Variants in DOP1A observed in about 807,000 individuals in gnomAD.
DOP1A encodes the protein DOP1 leucine zipper like protein A.
A neutral mutation model predicts 267.6 loss-of-function variants in DOP1A; 90 were observed. That is an observed-to-expected ratio of 0.34 (90% CI 0.28 to 0.40). The LOEUF (loss-of-function observed/expected upper bound fraction) is 0.40, where lower values mean the gene tolerates loss of function less well. Ranked by LOEUF, DOP1A falls within the 10% of genes least tolerant of loss-of-function variation. The probability of loss-of-function intolerance (pLI) is 1.00; values close to 1 mark genes in which losing one functional copy is unlikely to be tolerated. For missense variants in DOP1A, 2,437 were observed against 2,900.4 expected, an observed-to-expected ratio of 0.84 and a Z score of 3.67; for synonymous variants, 932 against 999.1, an observed-to-expected ratio of 0.93 and a Z score of 1.27.
At chr6:83,119,661 G>C in intron 8 of DOP1A, 87 bp from the exon 9 acceptor site, 1 of 1,038,932 alleles carries the variant, frequency 9.6e-7, no homozygotes, top group Non-Finnish European at 1.5e-6. Flanking sequence ...GTTTAGTGCT[G>C]TTCTGAGATT....
intron 38 of DOP1A, chr6:83,166,058 AC>A: frequency 3.4e-6 from 1 of 295,878 alleles, no homozygotes; most frequent in African/African-American, 2.1e-5. Flanking sequence ...TATAAAATCC[AC>A]CTTTTGGCAC....
At chr6:83,162,190 G>C (rs1439755735) in intron 37 of DOP1A, among the ~76,000 whole-genome samples, 1 of 152,056 alleles carries the variant, frequency 6.6e-6, no homozygotes, top group Admixed American at 6.6e-5. Flanking sequence ...GGGGAGGGGA[G>C]ACTGCCTTTC....
intron 15 of DOP1A, among the ~76,000 whole-genome samples, chr6:83,127,987 C>T (rs1314522836): frequency 6.6e-6 from 1 of 151,988 alleles, no homozygotes; most frequent in Non-Finnish European, 1.5e-5. Flanking sequence ...AGGCCTGCAC[C>T]CTTAACCCCT....
intron 4 of DOP1A, among the ~76,000 whole-genome samples, chr6:83,101,940 C>T (rs923890605): frequency 6.6e-6 from 1 of 152,144 alleles, no homozygotes; most frequent in Non-Finnish European, 1.5e-5. Context: ...TTATAGTCTT[C>T]ATGTTGTACA....
In DOP1A at chr6:83,120,871, A is replaced by G. The variant is rs952406385; in HGVS notation, c.1099+80A>G. ...AGAAAATAAAAAGAGTCATCAGGGA[A>G]ATTGTTATATTTTGAGGTGGCCTTT... On this transcript the variant is annotated intron_variant, in intron 10 of 38. Coordinates refer to ENST00000349129, the MANE Select transcript of DOP1A (RefSeq NM_015018.4). The G allele has an allele frequency of 6.3e-6, 7 of 1,111,638 alleles. No homozygotes were observed. In the South Asian group the frequency reaches 7.4e-5, roughly 12 times the overall value. The allele number at this position is 1,111,638 out of a possible 1,614,324, so 68.9% of individuals were successfully genotyped here.
At chr6:83,170,385 T>C (rs199998117), downstream of DOP1A, 7 of 1,614,150 alleles carry the variant, frequency 4.3e-6, no homozygotes, top group Admixed American at 1.7e-5. Context: ...AGCTTGTACT[T>C]CTTCACCAGG....
At chr6:83,130,669 T>C (rs1284100404) in intron 17 of DOP1A, among the ~76,000 whole-genome samples, 3 of 151,860 alleles carry the variant, frequency 2.0e-5, no homozygotes, top group Non-Finnish European at 4.4e-5. Flanking sequence ...ACTGAAGCCA[T>C]GTAGGAAATA....
intron 18 of DOP1A, among the ~76,000 whole-genome samples, chr6:83,133,382 T>C (rs1172702701): frequency 2.6e-5 from 4 of 152,120 alleles, no homozygotes; most frequent in Non-Finnish European, 5.9e-5. Context: ...TGGTGGTTGA[T>C]ACAAATGCAG....
At position 83,130,522 on chromosome 6, in the gene DOP1A, C is replaced by T. The variant is rs140035490; in HGVS notation, c.2616+125C>T. 6.0e-5 allele frequency: 71 copies of T among 1,176,046 alleles called. 1 individual carries two copies. The African/African-American group carries it at 1.1e-3, about 18-fold the overall frequency. The allele number at this position is 1,176,046 out of a possible 1,614,324, so 72.9% of individuals were successfully genotyped here. On this transcript the variant is annotated intron_variant, in intron 17 of 38. Transcript: ENST00000349129. Reference sequence around the variant, plus strand: ...CTTCATTTAAACACCTCTTAATAGGCCATACCATGTAGAAAATGATGCCAC... The same window carrying T: ...CTTCATTTAAACACCTCTTAATAGGTCATACCATGTAGAAAATGATGCCAC...
intron 7 of DOP1A, 33 bp downstream of exon 7, chr6:83,113,454 A>G: frequency 1.9e-6 from 3 of 1,551,178 alleles, no homozygotes; most frequent in African/African-American, 2.7e-5. Flanking sequence ...ATTATAAGGC[A>G]TTCTTGGAAA....
chr6:83,101,701 T>C (rs999839375), intron 4 of DOP1A, among the ~76,000 whole-genome samples: 1 of 152,156 alleles, frequency 6.6e-6, no homozygotes. Context: ...CACTTTGTAA[T>C]CTCTCCTTAG....
chr6:83,131,293 C>A (rs1562336504), intron 17 of DOP1A, among the ~76,000 whole-genome samples: 1 of 151,860 alleles, frequency 6.6e-6, no homozygotes, highest in Non-Finnish European at 1.5e-5. Context: ...TCATTGTGCC[C>A]CTTCAGATAT....
intron 24 of DOP1A, among the ~76,000 whole-genome samples, chr6:83,143,679 G>A (rs934284330): frequency 1.3e-5 from 2 of 152,114 alleles, no homozygotes; most frequent in Non-Finnish European, 2.9e-5. Context: ...GGAACAGAAA[G>A]TGGATAAATA....
At chr6:83,122,563 A>C (rs1308348728) in intron 11 of DOP1A, among the ~76,000 whole-genome samples, 1 of 151,978 alleles carries the variant, frequency 6.6e-6, no homozygotes, top group Non-Finnish European at 1.5e-5. Context: ...CCAAATTTAC[A>C]GTCCCACACA....
In DOP1A at chr6:83,137,277, C is replaced by G; in HGVS notation, c.3235C>G (p.Leu1079Val). 6.2e-7 allele frequency: 1 copy of G among 1,613,662 alleles called. No individual in the cohort carries two copies. Among genetic ancestry groups the G allele is most frequent in the Non-Finnish European group, 8.5e-7 (1 of 1,179,752 alleles). The change falls in exon 21 of 39, where the codon CTT becomes GTT. Residue 1079 changes from leucine to valine, a missense_variant. Coordinates refer to ENST00000349129, the MANE Select transcript of DOP1A (RefSeq NM_015018.4). ...SLTVNPLSDRLSLLSTSSETI... is the reference protein window; with the variant it reads ...SLTVNPLSDRVSLLSTSSETI... Reference sequence around the variant, plus strand: ...CACTGTGAATCCATTAAGTGACAGACTTTCCCTCCTAAGTACCAGCAGTGA... The same window carrying G: ...CACTGTGAATCCATTAAGTGACAGAGTTTCCCTCCTAAGTACCAGCAGTGA...
intron 26 of DOP1A, 137 bp downstream of exon 26, chr6:83,147,428 T>C: frequency 2.5e-6 from 1 of 401,696 alleles, no homozygotes; most frequent in East Asian, 3.6e-5. Context: ...GACCTAAGGA[T>C]ATTGAAGATT....
intron 1 of DOP1A, among the ~76,000 whole-genome samples, chr6:83,073,930 C>T (rs1238279026): frequency 6.6e-6 from 1 of 152,166 alleles, no homozygotes; most frequent in Admixed American, 6.5e-5. Flanking sequence ...GCTACAGTGT[C>T]TGTTATGGCC....
At position 83,140,397 on chromosome 6, in the gene DOP1A, T is replaced by C; in HGVS notation, c.5409T>C (p.Ala1803=). ...SASLTTINLG[A]TKNLRQQILE... ...CTCTTACCACTATTAATCTTGGAGC[T>C]ACAAAGGTTAGACAATTCATATTTA... The change falls in exon 23 of 39, where the codon GCT becomes GCC. Residue 1803 remains alanine (A), a synonymous_variant. Transcript: ENST00000349129. 1 of 1,604,008 alleles carries C rather than the reference T, an allele frequency of 6.2e-7. No individual in the cohort carries two copies. Among genetic ancestry groups the C allele is most frequent in the Non-Finnish European group, 8.5e-7 (1 of 1,176,862 alleles).
At chr6:83,155,456 C>T (rs1350662276) in intron 33 of DOP1A, among the ~76,000 whole-genome samples, 1 of 151,986 alleles carries the variant, frequency 6.6e-6, no homozygotes, top group Non-Finnish European at 1.5e-5. Flanking sequence ...AGGAAGATAC[C>T]ATCTCAAAGA....
Sources: gnomAD v4.1 joint callset for allele counts (sites outside exome capture counted in the v4.1 genomes callset) on GRCh38, gnomAD v4.1.1 for gene constraint, MANE v1.5 for transcripts, NCBI Gene and HGNC (gene_info 2026-07-23, HGNC 2026-07-21) for gene names.